RASEF: variants seen among roughly 807,000 people sequenced by gnomAD.
The protein encoded by RASEF is RAS and EF-hand domain containing.
A neutral mutation model predicts 90.1 loss-of-function variants in RASEF; 68 were observed. That is an observed-to-expected ratio of 0.75 (90% CI 0.62 to 0.92). The LOEUF (loss-of-function observed/expected upper bound fraction) is 0.92. Among genes scored for constraint, RASEF ranks in the 40% least tolerant of loss-of-function variants. The pLI, the probability that RASEF is intolerant of heterozygous loss-of-function variation, is 0.00. For missense variants in RASEF, 949 were observed against 937.2 expected, an observed-to-expected ratio of 1.01 and a Z score of -0.16; for synonymous variants, 331 against 345.2, an observed-to-expected ratio of 0.96 and a Z score of 0.46.
intron 3 of RASEF, among the ~76,000 whole-genome samples, chr9:83,021,580 C>A (rs1228696455): frequency 6.6e-6 from 1 of 152,172 alleles, no homozygotes; most frequent in African/African-American, 2.4e-5. Context: ...CCCTTCATAT[C>A]CACAAGTTCT....
At chr9:83,040,306 T>C (rs924262525) in intron 1 of RASEF, among the ~76,000 whole-genome samples, 1 of 152,210 alleles carries the variant, frequency 6.6e-6, no homozygotes, top group Admixed American at 6.5e-5. Context: ...ATGTATCAAA[T>C]CTTGAATATA....
chr9:83,119,364 A>G, the RASEF span, among the ~76,000 whole-genome samples: 3 of 151,736 alleles, frequency 2.0e-5, no homozygotes, highest in Non-Finnish European at 2.9e-5. Context: ...TAAAAATTGG[A>G]TTTGTTTCAA....
At chr9:83,059,269 TACACACACAC>T (rs59546421) in intron 1 of RASEF, among the ~76,000 whole-genome samples, 13 of 129,088 alleles carry the variant, frequency 1.0e-4, no homozygotes, top group South Asian at 2.7e-4. Context: ...AAATGCTCAA[TACACACACAC>T]ACACACACAC....
the RASEF span, among the ~76,000 whole-genome samples, chr9:83,213,077 C>T: frequency 0.01 from 1,519 of 146,036 alleles, 22 homozygotes; most frequent in African/African-American, 0.035. Flanking sequence ...GGAAACAATG[C>T]ACAATGCACA....
At chr9:83,079,779 AAAC>A in the RASEF span, among the ~76,000 whole-genome samples, 1 of 152,112 alleles carries the variant, frequency 6.6e-6, no homozygotes, top group Non-Finnish European at 1.5e-5. Context: ...TTGTATGTCT[AAAC>A]AACAAATTGT....
chr9:83,112,709 TA>T, the RASEF span, among the ~76,000 whole-genome samples: 1 of 151,974 alleles, frequency 6.6e-6, no homozygotes, highest in African/African-American at 2.4e-5. Flanking sequence ...AAGTATGTTT[TA>T]AAAGGATATT....
At chr9:83,209,899 T>C in the RASEF span, among the ~76,000 whole-genome samples, 1 of 152,176 alleles carries the variant, frequency 6.6e-6, no homozygotes, top group Admixed American at 6.5e-5. Context: ...CTATGCCCAA[T>C]AGGAAATCAA....
chr9:83,175,010 T>C, the RASEF span, among the ~76,000 whole-genome samples: 1 of 152,152 alleles, frequency 6.6e-6, no homozygotes, highest in South Asian at 2.1e-4. Flanking sequence ...TCTACTGGGG[T>C]GTTTAATAGT....
upstream of RASEF, chr9:83,063,147 G>C: frequency 2.4e-6 from 1 of 414,086 alleles, no homozygotes; most frequent in Non-Finnish European, 4.3e-6. Context: ...GCGACTGAGC[G>C]CCCAAGCGCC....
At chr9:83,015,623 T>C (rs958475935) in intron 4 of RASEF, among the ~76,000 whole-genome samples, 182 bp downstream of exon 4, 8 of 152,230 alleles carry the variant, frequency 5.3e-5, no homozygotes, top group Admixed American at 3.9e-4. Context: ...GAGGTTGCAG[T>C]GAGCCAAGAT....
upstream of RASEF, among the ~76,000 whole-genome samples, chr9:83,063,538 C>A (rs1465536847): frequency 6.6e-6 from 1 of 152,162 alleles, no homozygotes; most frequent in Non-Finnish European, 1.5e-5. Context: ...TACCAGAAGA[C>A]CCCATTCTCA....
chr9:83,000,738 G>A (rs1394957320), intron 10 of RASEF, among the ~76,000 whole-genome samples, 158 bp downstream of exon 10: 1 of 152,162 alleles, frequency 6.6e-6, no homozygotes. Context: ...CAATCTATGA[G>A]AATTTCTCCC....
At chr9:83,049,527 TCC>T (rs1491150649) in intron 1 of RASEF, among the ~76,000 whole-genome samples, 8 of 127,888 alleles carry the variant, frequency 6.3e-5, no homozygotes, top group African/African-American at 9.3e-5. Context: ...CTTTCTGCCT[TCC>T]TTTTTTTTTT....
chr9:82,985,974 G>T (rs1828702882), intron 16 of RASEF, among the ~76,000 whole-genome samples: 1 of 152,138 alleles, frequency 6.6e-6, no homozygotes, highest in Non-Finnish European at 1.5e-5. Context: ...TCCGGTGGGG[G>T]TTCACTCTAT....
chr9:83,025,684 G>T, intron 2 of RASEF, 91 bp downstream of exon 2: 2 of 1,281,862 alleles, frequency 1.6e-6, no homozygotes, highest in South Asian at 1.4e-5. Context: ...CTATATCATA[G>T]TGTGACAATG....
At chr9:83,206,166 T>C in the RASEF span, among the ~76,000 whole-genome samples, 3 of 152,234 alleles carry the variant, frequency 2.0e-5, no homozygotes, top group Non-Finnish European at 4.4e-5. Context: ...ATTTTACTAT[T>C]GTTCATAACA....
At chr9:83,107,566 C>A in the RASEF span, among the ~76,000 whole-genome samples, 1 of 152,156 alleles carries the variant, frequency 6.6e-6, no homozygotes, top group South Asian at 2.1e-4. Flanking sequence ...TGACCTATCG[C>A]TCTCCTAAAA....
the RASEF span, among the ~76,000 whole-genome samples, chr9:83,112,931 AC>A: frequency 6.6e-6 from 1 of 152,082 alleles, no homozygotes; most frequent in Non-Finnish European, 1.5e-5. Context: ...GCAATTTAAA[AC>A]CTTTTTTCTG....
the RASEF span, among the ~76,000 whole-genome samples, chr9:83,075,510 A>G: frequency 3.9e-5 from 6 of 152,124 alleles, no homozygotes; most frequent in African/African-American, 1.4e-4. Context: ...CTATTTTACT[A>G]TTTTACAGCT....
Sources: allele counts gnomAD v4.1 joint callset (sites outside exome capture counted in the v4.1 genomes callset), GRCh38; gene constraint gnomAD v4.1.1; transcripts MANE v1.5; gene names NCBI Gene and HGNC (gene_info 2026-07-23, HGNC 2026-07-21).